Variants in SLC24A2 observed in about 807,000 individuals in gnomAD.
The protein encoded by SLC24A2 is solute carrier family 24 member 2.
A neutral mutation model predicts 62.0 loss-of-function variants in SLC24A2; 36 were observed. The observed-to-expected ratio is 0.58, with a 90% CI of 0.44 to 0.77. The LOEUF is 0.77. SLC24A2 is among the 30% of genes least tolerant of loss of function. The pLI, the probability that SLC24A2 is intolerant of heterozygous loss-of-function variation, is 0.00. For synonymous variants in SLC24A2, 358 were observed against 294.0 expected (o/e 1.22, Z -2.23); for missense variants, 846 against 817.9 (o/e 1.03, Z -0.42).
intron 2 of SLC24A2, among the ~76,000 whole-genome samples, chr9:19,693,354 T>C (rs1820096102): frequency 6.6e-6 from 1 of 152,178 alleles, no homozygotes; most frequent in South Asian, 2.1e-4. Flanking sequence ...TGTCTATATA[T>C]GAATGCAGCC....
the SLC24A2 span, among the ~76,000 whole-genome samples, chr9:20,265,011 G>A: frequency 6.0e-3 from 920 of 152,320 alleles, 5 homozygotes; most frequent in Admixed American, 0.014. Flanking sequence ...GTACATCTGG[G>A]TCTATTAGCA....
chr9:20,051,121 A>G, the SLC24A2 span, among the ~76,000 whole-genome samples: 1 of 152,184 alleles, frequency 6.6e-6, no homozygotes, highest in Non-Finnish European at 1.5e-5. Context: ...AGATTCAACA[A>G]TATTTTGTTA....
intron 2 of SLC24A2, among the ~76,000 whole-genome samples, chr9:19,685,825 T>C (rs1272791725): frequency 1.3e-5 from 2 of 152,054 alleles, no homozygotes; most frequent in South Asian, 2.1e-4. Flanking sequence ...CTCTGGAAGA[T>C]AATCTAGGAA....
intron 8 of SLC24A2, among the ~76,000 whole-genome samples, chr9:19,529,378 T>C (rs1833589869): frequency 6.6e-6 from 1 of 152,216 alleles, no homozygotes; most frequent in Non-Finnish European, 1.5e-5. Context: ...GAACACAGTC[T>C]CTATTGCTCC....
chr9:19,953,816 A>C, the SLC24A2 span, among the ~76,000 whole-genome samples: 3 of 152,064 alleles, frequency 2.0e-5, no homozygotes, highest in East Asian at 5.8e-4. Flanking sequence ...TTCATGCATT[A>C]GTTGCTTTTT....
At chr9:19,930,615 G>A in the SLC24A2 span, among the ~76,000 whole-genome samples, 4 of 152,146 alleles carry the variant, frequency 2.6e-5, no homozygotes, top group East Asian at 1.9e-4. Flanking sequence ...GACTGCTTTC[G>A]AATTTGTGGG....
chr9:19,558,607 A>G (rs935233265), intron 7 of SLC24A2, among the ~76,000 whole-genome samples: 8 of 152,326 alleles, frequency 5.3e-5, no homozygotes, highest in African/African-American at 1.7e-4. Context: ...CTTTATAACA[A>G]TAAACTTTCC....
At chr9:19,557,163 C>G (rs1466572781) in intron 7 of SLC24A2, among the ~76,000 whole-genome samples, 2 of 152,170 alleles carry the variant, frequency 1.3e-5, no homozygotes, top group Non-Finnish European at 2.9e-5. Flanking sequence ...TTCCACACTC[C>G]CCACTTTCCT....
intron 2 of SLC24A2, among the ~76,000 whole-genome samples, chr9:19,682,590 T>A (rs1000988921): frequency 6.6e-6 from 1 of 152,072 alleles, no homozygotes; most frequent in Non-Finnish European, 1.5e-5. Flanking sequence ...CATGGCAAAG[T>A]ATAACCACTA....
chr9:19,837,796 C>T, the SLC24A2 span, among the ~76,000 whole-genome samples: 1 of 151,908 alleles, frequency 6.6e-6, no homozygotes, highest in East Asian at 1.9e-4. Flanking sequence ...AGAGCCAAAT[C>T]ATGAGTGAAC....
the SLC24A2 span, among the ~76,000 whole-genome samples, chr9:19,979,947 G>A: frequency 0.24 from 36,964 of 152,130 alleles, 5,236 homozygotes; most frequent in South Asian, 0.4. Flanking sequence ...ATCTATTGTA[G>A]GTTGATTGCC....
chr9:19,883,372 C>G, the SLC24A2 span, among the ~76,000 whole-genome samples: 2 of 152,072 alleles, frequency 1.3e-5, no homozygotes, highest in Admixed American at 1.3e-4. Flanking sequence ...CAGAGTCTTA[C>G]AAATTTAATA....
At chr9:19,934,354 C>A in the SLC24A2 span, among the ~76,000 whole-genome samples, 155 of 152,298 alleles carry the variant, frequency 1.0e-3, no homozygotes, top group Middle Eastern at 6.8e-3. This position sits in a 1 kb window ranked among gnomAD's most constrained non-coding sequence, Gnocchi z 4.1. Flanking sequence ...CATGTCTCAG[C>A]GTCGGTTTTC....
the SLC24A2 span, among the ~76,000 whole-genome samples, chr9:20,129,990 G>C: frequency 2.1e-5 from 3 of 143,926 alleles, no homozygotes; most frequent in African/African-American, 7.6e-5. Flanking sequence ...CTAGAAGGTA[G>C]TTTTGGCCTG....
At chr9:20,082,171 A>G in the SLC24A2 span, among the ~76,000 whole-genome samples, 2 of 152,176 alleles carry the variant, frequency 1.3e-5, no homozygotes, top group African/African-American at 4.8e-5. Context: ...CTTGACATTA[A>G]TTGACAACAT....
the SLC24A2 span, among the ~76,000 whole-genome samples, chr9:19,809,799 C>G: frequency 3.3e-5 from 5 of 152,110 alleles, no homozygotes; most frequent in African/African-American, 1.2e-4. Context: ...TCAAACCTGA[C>G]TATAACTTCC....
chr9:19,561,839 A>G (rs1586963703), intron 7 of SLC24A2, among the ~76,000 whole-genome samples: 1 of 152,184 alleles, frequency 6.6e-6, no homozygotes. Flanking sequence ...GATGGAAAAA[A>G]TCAAGAATTT....
chr9:19,765,624 C>A (rs897989379), intron 2 of SLC24A2, among the ~76,000 whole-genome samples: 1 of 152,140 alleles, frequency 6.6e-6, no homozygotes, highest in African/African-American at 2.4e-5. Flanking sequence ...GAATATTGGC[C>A]CCCACTCTCT....
the SLC24A2 span, among the ~76,000 whole-genome samples, chr9:19,909,595 T>A: frequency 2.0e-5 from 3 of 151,944 alleles, no homozygotes; most frequent in East Asian, 5.8e-4. Flanking sequence ...ATGAGGGAAC[T>A]AATGAAACAG....
Sources: allele counts gnomAD v4.1 joint callset (sites outside exome capture counted in the v4.1 genomes callset), GRCh38; gene constraint gnomAD v4.1.1; non-coding constraint Gnocchi (gnomAD v3.1); transcripts MANE v1.5; gene names NCBI Gene and HGNC (gene_info 2026-07-23, HGNC 2026-07-21).